Variants in FBN1 observed in about 807,000 individuals in gnomAD.
FBN1 encodes fibrillin 1.
A neutral mutation model predicts 365.1 loss-of-function variants in FBN1; 29 were observed. That is an observed-to-expected ratio of 0.08 (90% CI 0.06 to 0.11). The LOEUF is 0.11. Among genes scored for constraint, FBN1 ranks in the 10% least tolerant of loss-of-function variants. The probability of loss-of-function intolerance (pLI) is 1.00; values close to 1 mark genes in which losing one functional copy is unlikely to be tolerated. For synonymous variants in FBN1, 1,210 were observed against 1,270.5 expected, an observed-to-expected ratio of 0.95 and a Z score of 1.01; for missense variants, 2,476 against 3,703.2, an observed-to-expected ratio of 0.67 and a Z score of 8.60.
In FBN1 at chr15:48,448,891, G is replaced by A. The variant is rs750720912; in HGVS notation, c.5548C>T (p.Arg1850Cys). 3.7e-6 allele frequency: 6 copies of A among 1,610,474 alleles called. No individual in the cohort carries two copies. Among genetic ancestry groups the A allele is most frequent in the Admixed American group, 1.7e-5 (1 of 59,918 alleles). The stretch of plus-strand genomic sequence containing the variant: ...TTGGGGATTTCTTGACATTCATTAC[G>A]ATCTGTAAATAAGAAGCATCTTAAG... ...RFTSTGQCND[R>C]NECQEIPNIC... Residue 1850 changes from arginine to cysteine, a missense_variant and splice_region_variant, in exon 46 of 66, where the codon CGT becomes TGT. Around this residue, in one of 5 missense-constraint regions of FBN1, gnomAD observed 1,780 missense variants for 2,840.8 expected, o/e 0.63. Coordinates refer to ENST00000316623, the MANE Select transcript of FBN1 (RefSeq NM_000138.5).
In FBN1 at chr15:48,495,549, A is replaced by C; in HGVS notation, c.2459T>G (p.Val820Gly). Residue 820 changes from valine to glycine, a missense_variant, in exon 21 of 66, where the codon GTC (valine) becomes GGC (glycine). Physicochemically the swap from Val to Gly is moderately radical, Grantham distance 109. This residue lies in a region of FBN1 where 1,780 missense variants were observed against 2,840.8 expected (regional missense o/e 0.63). Coordinates refer to ENST00000316623, the MANE Select transcript of FBN1 (RefSeq NM_000138.5). ...ECESSPCING[V>G]CKNSPGSFIC... The stretch of plus-strand genomic sequence containing the variant: ...AAAAGAGCCTGGGCTGTTCTTGCAG[A>C]CTCCATTAATGCAAGGACTTGATTC... 1.2e-6 allele frequency: 2 copies of C among 1,614,048 alleles called. No individual in the cohort carries two copies. Among genetic ancestry groups the C allele is most frequent in the South Asian group, 1.1e-5 (1 of 91,080 alleles).
chr15:48,478,111 G>A (rs1479065858), intron 32 of FBN1, among the ~76,000 whole-genome samples: 1 of 152,194 alleles, frequency 6.6e-6, no homozygotes, highest in East Asian at 1.9e-4. Flanking sequence ...GTGCACTGCA[G>A]AAACTCCTTG....
chr15:48,493,111 T>C (rs1054870682), intron 23 of FBN1, among the ~76,000 whole-genome samples: 1 of 152,208 alleles, frequency 6.6e-6, no homozygotes, highest in Non-Finnish European at 1.5e-5. Flanking sequence ...GGTCTCAGGC[T>C]GTTCTGTCCA....
chr15:48,492,926 T>A lies in FBN1; in HGVS notation c.2729-340A>T, dbSNP rs139785215. ...ATAATTTGCTTTATGAGACCAGATG[T>A]CTGGAAATGAGTAGAGAAGCAAAAA... On this transcript the variant is annotated intron_variant, in intron 23 of 65. Coordinates refer to ENST00000316623, the MANE Select transcript of FBN1 (RefSeq NM_000138.5). Among the ~76,000 whole-genome samples the A allele has an allele frequency of 1.2e-3, 186 of 152,302 alleles. 1 individual carries two copies. Among genetic ancestry groups the A allele is most frequent in the African/African-American group, 4.4e-3 (181 of 41,556 alleles).
chr15:48,465,739 C>A (rs767889405), intron 39 of FBN1, 46 bp from the exon 40 acceptor site: 1 of 1,613,572 alleles, frequency 6.2e-7, no homozygotes, highest in Non-Finnish European at 8.5e-7. Context: ...TGTAAATAAA[C>A]CCAAGGAAAT....
intron 2 of FBN1, among the ~76,000 whole-genome samples, chr15:48,636,104 G>T (rs937728492): frequency 1.3e-5 from 2 of 152,152 alleles, no homozygotes; most frequent in Non-Finnish European, 2.9e-5. Flanking sequence ...CCAAAGGTAG[G>T]TCTTAATAGT....
At chr15:48,506,159 G>A (rs1250698445) in intron 15 of FBN1, among the ~76,000 whole-genome samples, 3 of 152,156 alleles carry the variant, frequency 2.0e-5, no homozygotes, top group African/African-American at 4.8e-5. Context: ...GGAAGCAGAG[G>A]TTGCAGTGAG....
At chr15:48,597,924 G>A (rs1284079077) in intron 5 of FBN1, among the ~76,000 whole-genome samples, 1 of 152,186 alleles carries the variant, frequency 6.6e-6, no homozygotes. Flanking sequence ...TGGGCATTGG[G>A]CTAAACTCCC....
intron 6 of FBN1, among the ~76,000 whole-genome samples, chr15:48,541,625 G>A (rs377690508): frequency 2.6e-5 from 4 of 152,006 alleles, no homozygotes; most frequent in African/African-American, 7.2e-5. Flanking sequence ...TACTCCAACC[G>A]CAGAAAGAAA....
chr15:48,442,427 G>A (rs10519174), intron 49 of FBN1, among the ~76,000 whole-genome samples: 78,425 of 152,046 alleles, frequency 0.52, 24,663 homozygotes, highest in Non-Finnish European at 0.69. Context: ...AGAAGATGAC[G>A]CTCCTGATTT....
chr15:48,493,475 T>TTTTTG (rs1240501378), intron 23 of FBN1, among the ~76,000 whole-genome samples: 1 of 152,208 alleles, frequency 6.6e-6, no homozygotes, highest in Non-Finnish European at 1.5e-5. Flanking sequence ...CTTTTTGGGT[T>TTTTTG]TTTTGTTTTG....
rs530215640 is a variant in FBN1, at chr15:48,412,372, G to C, written c.8226+197C>G. ...GCAAGTATGTGAAAACCTTCAAATG[G>C]CCACTCCCGAAAAGCAGCAAGAAAC... On this transcript the variant is annotated intron_variant, in intron 65 of 65. Coordinates refer to ENST00000316623, the MANE Select transcript of FBN1 (RefSeq NM_000138.5). Among the ~76,000 whole-genome samples, 4 of 152,206 alleles carry C rather than the reference G, an allele frequency of 2.6e-5. No homozygotes were observed. The South Asian group carries it at 8.3e-4, about 32-fold the overall frequency.
At chr15:48,488,538 G>A (rs764880055) in intron 25 of FBN1, 45 bp from the exon 26 acceptor site, 2 of 1,603,834 alleles carry the variant, frequency 1.2e-6, no homozygotes, top group Non-Finnish European at 8.5e-7. Context: ...TTATGAGCAA[G>A]CAGTCAGGAG....
chr15:48,580,424 T>G (rs1299096117), intron 6 of FBN1, among the ~76,000 whole-genome samples: 1 of 152,158 alleles, frequency 6.6e-6, no homozygotes, highest in Non-Finnish European at 1.5e-5. Flanking sequence ...ACATAAGCTT[T>G]TTAGGCTTTC....
chr15:48,514,781 T>C (rs1479110350), intron 12 of FBN1, among the ~76,000 whole-genome samples: 1 of 152,214 alleles, frequency 6.6e-6, no homozygotes, highest in Non-Finnish European at 1.5e-5. Flanking sequence ...AAATTGGAGT[T>C]ACCAGAAATG....
chr15:48,487,969 C>T (rs1250117134), intron 27 of FBN1, 144 bp downstream of exon 27: 21 of 1,080,644 alleles, frequency 1.9e-5, no homozygotes, highest in South Asian at 1.0e-4. Flanking sequence ...TTCTTTCTAC[C>T]TCAGTCTCCC....
chr15:48,435,768 G>GTGTATA lies in FBN1; in HGVS notation c.6497-1056_6497-1055insTATACA, dbSNP rs1427160695. Among the ~76,000 whole-genome samples the GTGTATA allele has an allele frequency of 5.5e-3, 616 of 111,266 alleles. 2 individuals carry two copies. Among genetic ancestry groups the GTGTATA allele is most frequent in the Middle Eastern group, 0.019 (4 of 216 alleles). 73.0% of individuals were successfully genotyped at this position (111,266 alleles called of 152,430 possible). On this transcript the variant is annotated intron_variant, in intron 53 of 65. Coordinates refer to ENST00000316623, the MANE Select transcript of FBN1 (RefSeq NM_000138.5). ...TATATATATGTGTGTATATATATGT[G>GTGTATA]TATATGTGTGTGTGTGTGTGTGTGT...
chr15:48,485,378 G>A lies in FBN1; in HGVS notation c.3708C>T (p.Cys1236=). 1 of 1,614,188 alleles carries A rather than the reference G, an allele frequency of 6.2e-7. No homozygotes were observed. Among genetic ancestry groups the A allele is most frequent in the Non-Finnish European group, 8.5e-7 (1 of 1,180,034 alleles). The change falls in exon 30 of 66, where the codon TGC becomes TGT. Residue 1236 remains cysteine (C), a synonymous_variant. Coordinates refer to ENST00000316623, the MANE Select transcript of FBN1 (RefSeq NM_000138.5). The part of the protein sequence containing the change: ...GFALMPDQRS[C]TDIDECEDNP... Reference sequence around the variant, plus strand: ...ATGAGGCTAGAACCTACTCACCGGTGCATGATCTCTGGTCAGGCATTAGTG... The same window carrying A: ...ATGAGGCTAGAACCTACTCACCGGTACATGATCTCTGGTCAGGCATTAGTG...
intron 4 of FBN1, among the ~76,000 whole-genome samples, chr15:48,606,164 T>C (rs146455566): frequency 2.0e-5 from 3 of 152,298 alleles, no homozygotes; most frequent in African/African-American, 7.2e-5. Flanking sequence ...CAAAAACAGT[T>C]TGACAGTTCT....
Sources: allele counts gnomAD v4.1 joint callset (sites outside exome capture counted in the v4.1 genomes callset), GRCh38; gene constraint gnomAD v4.1.1; regional missense constraint gnomAD v4.1.1; transcripts MANE v1.5; gene names NCBI Gene and HGNC (gene_info 2026-07-23, HGNC 2026-07-21).